Variants in TP73 observed in about 807,000 individuals in gnomAD.
TP73 encodes the protein tumor protein p73.
In TP73, 25 loss-of-function variants were observed where a neutral mutation model predicts 62.5. The observed-to-expected ratio is 0.40, with a 90% CI of 0.29 to 0.56. The LOEUF is 0.56. Ranked by LOEUF, TP73 falls within the 20% of genes least tolerant of loss-of-function variation. The probability of loss-of-function intolerance (pLI) is 0.46; values close to 1 mark genes in which losing one functional copy is unlikely to be tolerated. For synonymous variants in TP73, 423 were observed against 377.5 expected, an observed-to-expected ratio of 1.12 and a Z score of -1.40; for missense variants, 754 against 913.3, an observed-to-expected ratio of 0.83 and a Z score of 2.25.
rs555612598 is a variant in TP73, at chr1:3,706,553, G to C, written c.187-996G>C. On this transcript the variant is annotated intron_variant, in intron 3 of 13. Coordinates refer to ENST00000378295, the MANE Select transcript of TP73 (RefSeq NM_005427.4). The stretch of plus-strand genomic sequence containing the variant: ...CATTTGTTTGCGTTGAGCCTCGGGG[G>C]TCACAGGGAAAGCGCTGTTTATACA... Among the ~76,000 whole-genome samples, 3 of 152,202 alleles carry C rather than the reference G, an allele frequency of 2.0e-5. No homozygotes were observed. In the East Asian group the frequency reaches 5.8e-4, roughly 30 times the overall value.
intron 3 of TP73, among the ~76,000 whole-genome samples, chr1:3,700,037 C>T (rs3765736): frequency 0.33 from 50,029 of 151,644 alleles, 8,802 homozygotes; most frequent in Non-Finnish European, 0.38. Flanking sequence ...AGGATGGGGT[C>T]CCTCGGGAAG....
intron 6 of TP73, among the ~76,000 whole-genome samples, chr1:3,724,757 G>A (rs1407541946): frequency 6.6e-6 from 1 of 152,252 alleles, no homozygotes; most frequent in Non-Finnish European, 1.5e-5. Flanking sequence ...AGTGGCTCAC[G>A]CCTGTAATCC....
intron 4 of TP73, among the ~76,000 whole-genome samples, chr1:3,721,023 G>A (rs943372018): frequency 6.6e-6 from 1 of 152,244 alleles, no homozygotes; most frequent in African/African-American, 2.4e-5. Flanking sequence ...CTGAGCCTGA[G>A]ACTGGGGATC....
At chr1:3,728,704 G>A (rs1392363163) in intron 9 of TP73, among the ~76,000 whole-genome samples, 1 of 152,274 alleles carries the variant, frequency 6.6e-6, no homozygotes, top group Non-Finnish European at 1.5e-5. Flanking sequence ...GTTGGGGTCA[G>A]TGGCTCATGC....
chr1:3,677,508 C>T (rs1046608174), intron 1 of TP73, among the ~76,000 whole-genome samples: 1 of 152,120 alleles, frequency 6.6e-6, no homozygotes, highest in Non-Finnish European at 1.5e-5. Flanking sequence ...CACAACTGTC[C>T]TTTGCAACTC....
intron 1 of TP73, among the ~76,000 whole-genome samples, chr1:3,673,953 G>A (rs903562945): frequency 6.6e-6 from 1 of 152,214 alleles, no homozygotes; most frequent in Non-Finnish European, 1.5e-5. Context: ...GGCCAGGGTA[G>A]AGCCAGGCTG....
At chr1:3,710,040 CG>C (rs1640000326) in intron 4 of TP73, among the ~76,000 whole-genome samples, 1 of 152,126 alleles carries the variant, frequency 6.6e-6, no homozygotes, top group South Asian at 2.1e-4. Flanking sequence ...TCCTGCAGGA[CG>C]GGGTGGCCTT....
intron 3 of TP73, 82 bp from the exon 4 acceptor site, chr1:3,707,467 C>A: frequency 6.5e-7 from 1 of 1,535,684 alleles, no homozygotes; most frequent in African/African-American, 1.4e-5. Flanking sequence ...CTTTAAGGCT[C>A]CTGTAACAGG....
chr1:3,708,762 T>C (rs915730266), intron 4 of TP73, among the ~76,000 whole-genome samples: 10 of 152,092 alleles, frequency 6.6e-5, no homozygotes, highest in African/African-American at 2.4e-4. Context: ...TCTCCCCTCC[T>C]GCACCGAGGA....
chr1:3,732,711 A>T, intron 13 of TP73, 36 bp from the exon 14 acceptor site: 1 of 1,532,822 alleles, frequency 6.5e-7, no homozygotes, highest in Non-Finnish European at 8.8e-7. Context: ...TCCCTGCTCC[A>T]CTGCCCCCTG....
At chr1:3,691,056 G>GCTCACCCCAA in intron 3 of TP73, 1 of 1,464,688 alleles carries the variant, frequency 6.8e-7, no homozygotes. Context: ...CCTGGAGTCT[G>GCTCACCCCAA]CTGCCAGTTG....
rs778199387 is a variant in TP73 at position 3,732,771 on chromosome 1, G to C, written c.1603G>C (p.Glu535Gln). 2 of 1,590,218 alleles carry C rather than the reference G, an allele frequency of 1.3e-6. No homozygotes were observed. The highest frequency in any genetic ancestry group is 1.7e-6 in the Non-Finnish European group (2 of 1,165,224). ...GGACCTGGGGGCCCTGAAGATCCCC[G>C]AGCAGTACCGCATGACCATCTGGCG... is the stretch of plus-strand genomic sequence containing the variant. ...IEDLGALKIPEQYRMTIWRGL... is the reference protein window; with the variant it reads ...IEDLGALKIPQQYRMTIWRGL... Residue 535 changes from glutamate (E) to glutamine (Q), a missense_variant, in exon 14 of 14, where the codon GAG becomes CAG. By Grantham distance (29) the Glu-to-Gln change is conservative. Around this residue, in one of 3 missense-constraint regions of TP73, gnomAD observed 458 missense variants for 528.7 expected, o/e 0.87. Transcript: ENST00000378295.
At position 3,663,176 on chromosome 1, in the gene TP73, T is replaced by G. The variant is rs184697181; in HGVS notation, c.-34+10535T>G. 3.0e-3 allele frequency among the ~76,000 whole-genome samples: 461 copies of G among 152,184 alleles called. 2 individuals carry two copies. Among genetic ancestry groups the G allele is most frequent in the African/African-American group, 0.011 (442 of 41,530 alleles). Reference sequence around the variant, plus strand: ...GCCTGAGGGGAGAAGGGGCCTCTCTTCTTCACGAGGCTGGTGGCTGCGGCA... The same window carrying G: ...GCCTGAGGGGAGAAGGGGCCTCTCTGCTTCACGAGGCTGGTGGCTGCGGCA... On this transcript the variant is annotated intron_variant, in intron 1 of 13. Coordinates refer to ENST00000378295, the MANE Select transcript of TP73 (RefSeq NM_005427.4). This position sits in a 1 kb window ranked among gnomAD's most constrained non-coding sequence, Gnocchi z 4.7.
chr1:3,663,618 A>AG lies in TP73; in HGVS notation c.-34+10979dup, dbSNP rs1193491049. ...GTAGTCCCAGCTACTCGGGAGGCTGAGGCAGGAGAATGGCGTGAACCAGGA... is the reference window on the plus strand; with the variant it reads ...GTAGTCCCAGCTACTCGGGAGGCTGAGGGCAGGAGAATGGCGTGAACCAGGA... On this transcript the variant is annotated intron_variant, in intron 1 of 13. Coordinates refer to ENST00000378295, the MANE Select transcript of TP73 (RefSeq NM_005427.4). This position sits in a 1 kb window ranked among gnomAD's most constrained non-coding sequence, Gnocchi z 4.7. Among the ~76,000 whole-genome samples, 1 of 151,686 alleles carries AG rather than the reference A, an allele frequency of 6.6e-6. No individual in the cohort carries two copies. Among genetic ancestry groups the AG allele is most frequent in the Non-Finnish European group, 1.5e-5 (1 of 67,914 alleles).
chr1:3,661,765 C>CTA, intron 1 of TP73, among the ~76,000 whole-genome samples: 1 of 143,920 alleles, frequency 6.9e-6, no homozygotes, highest in Non-Finnish European at 1.5e-5. Context: ...TATACATACA[C>CTA]TATATATAAT....
intron 1 of TP73, among the ~76,000 whole-genome samples, chr1:3,677,613 A>G (rs1184144944): frequency 6.6e-6 from 1 of 150,978 alleles, no homozygotes; most frequent in African/African-American, 2.4e-5. Context: ...AAAGCCTTCC[A>G]CTGCAAGACC....
At chr1:3,679,565 C>G (rs748746364) in intron 1 of TP73, among the ~76,000 whole-genome samples, 5 of 139,538 alleles carry the variant, frequency 3.6e-5, no homozygotes, top group Admixed American at 7.0e-5. Flanking sequence ...CTCTCCCTGT[C>G]TCTGTCTCTC....
At chr1:3,705,962 T>A (rs1332219403) in intron 3 of TP73, among the ~76,000 whole-genome samples, 1 of 152,196 alleles carries the variant, frequency 6.6e-6, no homozygotes, top group African/African-American at 2.4e-5. Flanking sequence ...GGGCTGAGCC[T>A]GGGAGTCCCG....
chr1:3,664,310 G>GC (rs1195760392), intron 1 of TP73, among the ~76,000 whole-genome samples: 2 of 152,178 alleles, frequency 1.3e-5, no homozygotes, highest in African/African-American at 4.8e-5. Context: ...CAGCTGGCAG[G>GC]CCCCCCGTGG....
Sources: gnomAD v4.1 joint callset for allele counts (sites outside exome capture counted in the v4.1 genomes callset) on GRCh38, gnomAD v4.1.1 for gene constraint, gnomAD v4.1.1 regional missense constraint, Gnocchi (gnomAD v3.1) non-coding constraint, MANE v1.5 for transcripts, NCBI Gene and HGNC (gene_info 2026-07-23, HGNC 2026-07-21) for gene names.